The following PDS5B variants were observed in gnomAD, a reference collection of about 807,000 sequenced individuals.
The protein encoded by PDS5B is sister chromatid cohesion protein PDS5 homolog B.
PDS5B carries 51 observed loss-of-function variants against 184.1 expected under a neutral mutation model. The ratio of observed to expected loss-of-function variants is 0.28; its 90% confidence interval spans 0.22 to 0.35. The LOEUF (loss-of-function observed/expected upper bound fraction) is 0.35. Among genes scored for constraint, PDS5B ranks in the 10% least tolerant of loss-of-function variants. The pLI, the probability that PDS5B is intolerant of heterozygous loss-of-function variation, is 1.00. For synonymous variants in PDS5B, 566 were observed against 569.2 expected, an observed-to-expected ratio of 0.99 and a Z score of 0.08; for missense variants, 1,180 against 1,723.3, an observed-to-expected ratio of 0.68 and a Z score of 5.58.
At chr13:32,687,087 A>C (rs1344684611) in intron 11 of PDS5B, 47 bp from the exon 12 acceptor site, 2 of 1,449,312 alleles carry the variant, frequency 1.4e-6, no homozygotes, top group South Asian at 2.6e-5. Flanking sequence ...CTTAATTTAT[A>C]TAATGGAAGC....
chr13:32,716,434 C>T (rs1332900656), intron 19 of PDS5B, among the ~76,000 whole-genome samples: 2 of 151,550 alleles, frequency 1.3e-5, no homozygotes, highest in Non-Finnish European at 2.9e-5. Context: ...GCAACCGCCC[C>T]ATCTGAGAAG....
intron 1 of PDS5B, among the ~76,000 whole-genome samples, chr13:32,646,928 T>C (rs1393779004): frequency 6.6e-6 from 1 of 152,220 alleles, no homozygotes; most frequent in Non-Finnish European, 1.5e-5. Context: ...CATTTTGCTG[T>C]CTTCTGGCTT....
intron 1 of PDS5B, among the ~76,000 whole-genome samples, chr13:32,616,507 A>G (rs1350830550): frequency 2.0e-5 from 3 of 152,220 alleles, no homozygotes; most frequent in Non-Finnish European, 4.4e-5. Context: ...CAAGAAATAT[A>G]TAACTTTTCT....
At chr13:32,593,618 G>T (rs1378383751) in intron 1 of PDS5B, among the ~76,000 whole-genome samples, 1 of 152,226 alleles carries the variant, frequency 6.6e-6, no homozygotes, top group Non-Finnish European at 1.5e-5. Flanking sequence ...TGGGATTACA[G>T]GTGTGAGCCA....
intron 24 of PDS5B, among the ~76,000 whole-genome samples, chr13:32,752,705 G>A (rs1309878916): frequency 2.6e-5 from 4 of 152,162 alleles, no homozygotes; most frequent in African/African-American, 9.7e-5. Context: ...GGTAGTTTAG[G>A]AGAGGGGAGT....
intron 13 of PDS5B, among the ~76,000 whole-genome samples, chr13:32,691,819 G>C (rs112986945): frequency 8.0e-4 from 122 of 152,192 alleles, no homozygotes; most frequent in Non-Finnish European, 1.3e-3. Context: ...ACTCCTACCA[G>C]TGGTTTATGG....
chr13:32,617,622 A>T (rs2058238530), intron 1 of PDS5B, among the ~76,000 whole-genome samples: 2 of 152,156 alleles, frequency 1.3e-5, no homozygotes, highest in Admixed American at 6.5e-5. Context: ...CAGCTGTGCC[A>T]TTTCTGTTTC....
At position 32,603,174 on chromosome 13, in the gene PDS5B, C is replaced by T. The variant is rs542505182; in HGVS notation, c.-20+16581C>T. On this transcript the variant is annotated intron_variant, in intron 1 of 34. Transcript: ENST00000315596. ...TTAGTCATGAAGTCCTTGCCCATGC[C>T]TATGTCCTGAATGGTATTACCTAGG... Among the ~76,000 whole-genome samples the T allele has an allele frequency of 2.6e-5, 4 of 152,312 alleles. No individual in the cohort carries two copies. The South Asian group carries it at 8.3e-4, about 32-fold the overall frequency.
intron 1 of PDS5B, among the ~76,000 whole-genome samples, chr13:32,617,472 G>C (rs2058236699): frequency 6.6e-6 from 1 of 152,170 alleles, no homozygotes; most frequent in African/African-American, 2.4e-5. Context: ...TGTGGCAAAT[G>C]CTGTTTTTAT....
chr13:32,603,162 C>T (rs574854617), intron 1 of PDS5B, among the ~76,000 whole-genome samples: 1 of 152,258 alleles, frequency 6.6e-6, no homozygotes, highest in South Asian at 2.1e-4. Flanking sequence ...GTCATGAAGT[C>T]CTTGCCCATG....
chr13:32,755,321 A>G (rs1954135137), intron 25 of PDS5B, among the ~76,000 whole-genome samples: 1 of 152,166 alleles, frequency 6.6e-6, no homozygotes, highest in Non-Finnish European at 1.5e-5. Flanking sequence ...TTCTTTATTT[A>G]AAATGCCCTA....
chr13:32,678,415 G>A (rs1053104038), intron 9 of PDS5B, among the ~76,000 whole-genome samples: 2 of 152,128 alleles, frequency 1.3e-5, no homozygotes, highest in Non-Finnish European at 2.9e-5. Context: ...CCATACATTA[G>A]TGAATGCCCT....
chr13:32,732,360 A>G, intron 20 of PDS5B, 136 bp downstream of exon 20: 1 of 639,674 alleles, frequency 1.6e-6, no homozygotes, highest in Non-Finnish European at 2.8e-6. Flanking sequence ...AGTAAAATCA[A>G]CATTGATAAG....
chr13:32,622,064 G>A (rs547615941), intron 1 of PDS5B, among the ~76,000 whole-genome samples: 22 of 150,586 alleles, frequency 1.5e-4, no homozygotes, highest in East Asian at 1.2e-3. Context: ...GCTAATTTTG[G>A]GCTATTTAGA....
intron 1 of PDS5B, among the ~76,000 whole-genome samples, chr13:32,626,350 G>A (rs761634892): frequency 5.3e-5 from 8 of 152,156 alleles, no homozygotes; most frequent in Non-Finnish European, 1.2e-4. Flanking sequence ...TTTGTAACTA[G>A]AATTTAGGGG....
At chr13:32,727,512 A>AT (rs1952950274) in intron 19 of PDS5B, among the ~76,000 whole-genome samples, 1 of 151,896 alleles carries the variant, frequency 6.6e-6, no homozygotes, top group Non-Finnish European at 1.5e-5. Flanking sequence ...TTTATAGTGA[A>AT]TTTTTTGGTC....
intron 20 of PDS5B, among the ~76,000 whole-genome samples, chr13:32,734,392 T>C (rs1035193756): frequency 1.3e-5 from 2 of 152,182 alleles, no homozygotes; most frequent in Non-Finnish European, 2.9e-5. Flanking sequence ...GTTCATTCTT[T>C]TATCATGGTA....
chr13:32,690,118 G>A (rs960723240), intron 13 of PDS5B: 4 of 152,012 alleles, frequency 2.6e-5, no homozygotes, highest in Admixed American at 1.3e-4. Flanking sequence ...AATAATAAAG[G>A]ACTGTAAAAA....
chr13:32,771,702 A>G (rs1184493176), intron 33 of PDS5B, among the ~76,000 whole-genome samples: 2 of 152,106 alleles, frequency 1.3e-5, no homozygotes, highest in African/African-American at 4.8e-5. Context: ...AGGTAAGTAC[A>G]TTTTTGTGGC....
Sources: gnomAD v4.1 joint callset for allele counts (sites outside exome capture counted in the v4.1 genomes callset) on GRCh38, gnomAD v4.1.1 for gene constraint, MANE v1.5 for transcripts, NCBI Gene and HGNC (gene_info 2026-07-23, HGNC 2026-07-21) for gene names.